The following PLCH1 variants were observed in gnomAD, a reference collection of about 807,000 sequenced individuals.
PLCH1 encodes the protein 1-phosphatidylinositol 4,5-bisphosphate phosphodiesterase eta-1.
In PLCH1, 60 loss-of-function variants were observed where a neutral mutation model predicts 126.7. That is an observed-to-expected ratio of 0.47 (90% CI 0.38 to 0.59). The LOEUF (loss-of-function observed/expected upper bound fraction) is 0.59. PLCH1 is among the 20% of genes least tolerant of loss of function. The probability of loss-of-function intolerance (pLI) is 0.00; values close to 1 mark genes in which losing one functional copy is unlikely to be tolerated. For missense variants in PLCH1, 1,723 were observed against 2,040.0 expected (o/e 0.84, Z 2.99); for synonymous variants, 719 against 734.9 (o/e 0.98, Z 0.35).
intron 2 of PLCH1, among the ~76,000 whole-genome samples, chr3:155,690,056 A>G (rs908036391): frequency 1.3e-3 from 200 of 152,138 alleles, no homozygotes; most frequent in African/African-American, 4.4e-3. Context: ...TAAAAAAAAA[A>G]AAAAGAAAAG....
intron 6 of PLCH1, among the ~76,000 whole-genome samples, chr3:155,576,235 G>GCAAAA (rs888732930): frequency 2.0e-5 from 3 of 152,002 alleles, no homozygotes; most frequent in African/African-American, 4.8e-5. Flanking sequence ...ATGAAACAAA[G>GCAAAA]CAAAACAAAA....
At chr3:155,466,745 A>T (rs1169565616) in intron 21 of PLCH1, among the ~76,000 whole-genome samples, 3 of 152,212 alleles carry the variant, frequency 2.0e-5, no homozygotes, top group African/African-American at 4.8e-5. Flanking sequence ...AGTTCAACAT[A>T]ACACAGAGAA....
In PLCH1 at chr3:155,523,977, C is replaced by G. The variant is rs1179570873; in HGVS notation, c.1390G>C (p.Asp464His). 6.2e-7 allele frequency: 1 copy of G among 1,605,972 alleles called. No homozygotes were observed. Among genetic ancestry groups the G allele is most frequent in the Admixed American group, 1.7e-5 (1 of 59,162 alleles). ...KGKKLPYHLG[D>H]DAEEGEVSDE... ...GAAACTTCCCCTTCCTCTGCATCATCCCCAAGGTGATAAGGCAACTTCTTA... is the reference window on the plus strand; with the variant it reads ...GAAACTTCCCCTTCCTCTGCATCATGCCCAAGGTGATAAGGCAACTTCTTA... Residue 464 changes from aspartate (D) to histidine (H), a missense_variant, in exon 11 of 23, where the codon GAT (aspartate) becomes CAT (histidine). Transcript: ENST00000460012.
In PLCH1 at chr3:155,605,961, G is replaced by A. The variant is rs1018972129; in HGVS notation, c.80-9583C>T. On this transcript the variant is annotated intron_variant, in intron 2 of 22. Coordinates refer to ENST00000460012, the MANE Select transcript of PLCH1 (RefSeq NM_014996.4). ...TGGTTTCACTTGGGAAAATATCTTC[G>A]TGGGAGGGAAAAAAAAAAGAAGGCT... Among the ~76,000 whole-genome samples, 10 of 151,614 alleles carry A rather than the reference G, an allele frequency of 6.6e-5. No homozygotes were observed. The South Asian group carries it at 2.1e-3, about 31-fold the overall frequency.
intron 2 of PLCH1, among the ~76,000 whole-genome samples, chr3:155,629,834 T>A (rs942623668): frequency 2.0e-5 from 3 of 152,326 alleles, no homozygotes; most frequent in East Asian, 3.9e-4. Flanking sequence ...CTCTGCACAG[T>A]TCCCCAGCAC....
At chr3:155,738,812 A>G (rs2109209375) in intron 1 of PLCH1, among the ~76,000 whole-genome samples, 1 of 151,558 alleles carries the variant, frequency 6.6e-6, no homozygotes, top group East Asian at 2.0e-4. Flanking sequence ...ATAGCATAAC[A>G]TGGTGGCACA....
chr3:155,606,390 G>A (rs1001938229), intron 2 of PLCH1, among the ~76,000 whole-genome samples: 15 of 152,120 alleles, frequency 9.9e-5, no homozygotes, highest in African/African-American at 3.4e-4. Context: ...CTAAGACTTC[G>A]CTCTGTTTTG....
intron 2 of PLCH1, among the ~76,000 whole-genome samples, chr3:155,684,631 G>A (rs1488140278): frequency 1.3e-5 from 2 of 152,126 alleles, no homozygotes; most frequent in Admixed American, 1.3e-4. Flanking sequence ...TTAAATGGTT[G>A]AGGCAGGGAG....
chr3:155,561,429 C>T (rs1332252124), intron 8 of PLCH1, among the ~76,000 whole-genome samples: 10 of 151,740 alleles, frequency 6.6e-5, no homozygotes, highest in Non-Finnish European at 5.9e-5. Context: ...TGATGATTTC[C>T]AATTTCATCC....
chr3:155,547,981 T>C (rs1162107261), intron 10 of PLCH1, among the ~76,000 whole-genome samples: 1 of 151,852 alleles, frequency 6.6e-6, no homozygotes, highest in East Asian at 1.9e-4. Flanking sequence ...ATGGCACATG[T>C]ATACATATGT....
intron 21 of PLCH1, among the ~76,000 whole-genome samples, chr3:155,455,705 T>C (rs1056477864): frequency 1.3e-5 from 2 of 152,362 alleles, no homozygotes; most frequent in Admixed American, 1.3e-4. Context: ...AAGCTGTTTC[T>C]TTTGAAGAGG....
intron 8 of PLCH1, among the ~76,000 whole-genome samples, chr3:155,560,454 A>C (rs1727416869): frequency 6.6e-6 from 1 of 152,176 alleles, no homozygotes; most frequent in South Asian, 2.1e-4. Context: ...TCAATTGTTA[A>C]TCACTATTGC....
chr3:155,493,830 A>C (rs1716609035), intron 17 of PLCH1, among the ~76,000 whole-genome samples: 1 of 152,230 alleles, frequency 6.6e-6, no homozygotes, highest in Non-Finnish European at 1.5e-5. Context: ...GATTGGGCTC[A>C]GACCTTAAAA....
At chr3:155,472,402 T>C (rs1444450777) in intron 21 of PLCH1, among the ~76,000 whole-genome samples, 3 of 152,124 alleles carry the variant, frequency 2.0e-5, no homozygotes, top group African/African-American at 7.2e-5. Flanking sequence ...TCTGAATAGA[T>C]CAATAACAGG....
At chr3:155,647,773 A>G (rs1235614523) in intron 2 of PLCH1, among the ~76,000 whole-genome samples, 1 of 152,202 alleles carries the variant, frequency 6.6e-6, no homozygotes, top group Non-Finnish European at 1.5e-5. Flanking sequence ...ATGGTAAAAC[A>G]AAGTAAATAT....
intron 10 of PLCH1, among the ~76,000 whole-genome samples, chr3:155,548,411 A>G (rs899642862): frequency 2.4e-4 from 37 of 152,218 alleles, no homozygotes; most frequent in African/African-American, 8.7e-4. Flanking sequence ...TGAGTGCCTC[A>G]GACTTTCTGC....
At chr3:155,711,359 T>C (rs1310507560) in intron 1 of PLCH1, among the ~76,000 whole-genome samples, 1 of 152,134 alleles carries the variant, frequency 6.6e-6, no homozygotes, top group Non-Finnish European at 1.5e-5. Context: ...ACGACCAAAA[T>C]TGTCAATACC....
In PLCH1 at chr3:155,481,547, C is replaced by T. The variant is rs749033734; in HGVS notation, c.4479G>A (p.Glu1493=). The change falls in exon 23 of 23, where the codon GAG becomes GAA. Residue 1493 remains glutamate (E), a synonymous_variant. Coordinates refer to ENST00000460012, the MANE Select transcript of PLCH1 (RefSeq NM_014996.4). The surrounding 1 kb of genome is among the most constrained non-coding windows in gnomAD (Gnocchi z 4.2). ...KSKSLGDLTS[E]DIACNFESKY... is the part of the protein sequence containing the mutation. Reference sequence around the variant, plus strand: ...TGCTCTCAAAATTGCAGGCAATGTCCTCTGATGTTAAGTCCCCCAGACTTT... The same window carrying T: ...TGCTCTCAAAATTGCAGGCAATGTCTTCTGATGTTAAGTCCCCCAGACTTT... 2 of 1,614,104 alleles carry T rather than the reference C, an allele frequency of 1.2e-6. No individual in the cohort carries two copies. The highest frequency in any genetic ancestry group is 2.2e-5 in the South Asian group (2 of 91,080).
intron 2 of PLCH1, chr3:155,658,756 T>C (rs1741736464): frequency 1.3e-5 from 2 of 152,226 alleles, no homozygotes; most frequent in Admixed American, 6.5e-5. Flanking sequence ...ACTGAAATAG[T>C]TGATGACAAG....
Sources: allele counts gnomAD v4.1 joint callset (sites outside exome capture counted in the v4.1 genomes callset), GRCh38; gene constraint gnomAD v4.1.1; non-coding constraint Gnocchi (gnomAD v3.1); transcripts MANE v1.5; gene names NCBI Gene and HGNC (gene_info 2026-07-23, HGNC 2026-07-21).